CYP39A1: variants seen among roughly 807,000 people sequenced by gnomAD.
The protein encoded by CYP39A1 is 24-hydroxycholesterol 7-alpha-hydroxylase.
A neutral mutation model predicts 58.1 loss-of-function variants in CYP39A1; 49 were observed. The ratio of observed to expected loss-of-function variants is 0.84; its 90% CI spans 0.67 to 1.07. CYP39A1 has a LOEUF of 1.07. Among genes scored for constraint, CYP39A1 ranks in the 50% least tolerant of loss-of-function variants. The pLI, the probability that CYP39A1 is intolerant of heterozygous loss-of-function variation, is 0.00. For missense variants in CYP39A1, 531 were observed against 539.4 expected, an observed-to-expected ratio of 0.98 and a Z score of 0.16; for synonymous variants, 209 against 187.6, an observed-to-expected ratio of 1.11 and a Z score of -0.93.
rs145931033 is a variant in CYP39A1 at position 46,625,443 on chromosome 6, G to A, written c.906C>T (p.Gly302=). 1.9e-6 allele frequency: 3 copies of A among 1,610,628 alleles called. No homozygotes were observed. Among genetic ancestry groups the A allele is most frequent in the Non-Finnish European group, 2.5e-6 (3 of 1,178,140 alleles). Residue 302 remains glycine, a synonymous_variant, in exon 7 of 12, where the codon GGC becomes GGT. Transcript: ENST00000275016. Reference sequence around the variant, plus strand: ...CTGCTTTGCCAAACACAGAAGATATGCCTTCCATAATGGCCTTGTGGATAT... The same window carrying A: ...CTGCTTTGCCAAACACAGAAGATATACCTTCCATAATGGCCTTGTGGATAT... The part of the protein sequence containing the change: ...HPDIHKAIME[G]ISSVFGKAGK...
intron 10 of CYP39A1, among the ~76,000 whole-genome samples, chr6:46,572,079 T>A (rs1389950687): frequency 6.6e-6 from 1 of 152,154 alleles, no homozygotes; most frequent in Non-Finnish European, 1.5e-5. Flanking sequence ...ATGCATTATA[T>A]GTTTTTGATG....
At chr6:46,555,988 T>C (rs1232170534) in intron 10 of CYP39A1, among the ~76,000 whole-genome samples, 1 of 152,322 alleles carries the variant, frequency 6.6e-6, no homozygotes, top group Non-Finnish European at 1.5e-5. Context: ...TATTTACTGA[T>C]TTGGATCAAA....
At chr6:46,578,600 A>G (rs1771966715) in intron 10 of CYP39A1, among the ~76,000 whole-genome samples, 1 of 152,102 alleles carries the variant, frequency 6.6e-6, no homozygotes, top group Admixed American at 6.6e-5. Context: ...GAAATGACAA[A>G]GGGGATATTA....
At chr6:46,559,931 C>T (rs1333396405) in intron 10 of CYP39A1, among the ~76,000 whole-genome samples, 1 of 152,152 alleles carries the variant, frequency 6.6e-6, no homozygotes, top group Non-Finnish European at 1.5e-5. Flanking sequence ...GCACTGAAGT[C>T]ACCCCAGTAA....
chr6:46,650,670 A>T (rs1278671938), intron 1 of CYP39A1, among the ~76,000 whole-genome samples: 1 of 118,992 alleles, frequency 8.4e-6, no homozygotes, highest in Non-Finnish European at 2.0e-5. Flanking sequence ...GACCAGATTA[A>T]ATTTTTTATT....
rs1396046803 is a variant in CYP39A1 at position 46,637,877 on chromosome 6, T to C, written c.590A>G (p.Tyr197Cys). 6.2e-7 allele frequency: 1 copy of C among 1,612,408 alleles called. No homozygotes were observed. Among genetic ancestry groups the C allele is most frequent in the East Asian group, 2.2e-5 (1 of 44,838 alleles). ...GGACCCATACTCAAAATCTTCATCA[T>C]AAACTTGAAAATACTGATGGAACTC... ...IKEFHQYFQV[Y>C]DEDFEYGSQL... The change falls in exon 4 of 12, where the codon TAT becomes TGT. Residue 197 changes from tyrosine to cysteine, a missense_variant. Physicochemically the swap from Tyr to Cys is radical, Grantham distance 194. Coordinates refer to ENST00000275016, the MANE Select transcript of CYP39A1 (RefSeq NM_016593.5).
At chr6:46,564,147 TTTATTC>T (rs1771147396) in intron 10 of CYP39A1, among the ~76,000 whole-genome samples, 1 of 107,734 alleles carries the variant, frequency 9.3e-6, no homozygotes, top group African/African-American at 4.1e-5. Context: ...TCTATTCTAT[TTTATTC>T]TATTTTATTC....
chr6:46,630,171 C>T (rs1401494665), intron 6 of CYP39A1, among the ~76,000 whole-genome samples: 5 of 152,052 alleles, frequency 3.3e-5, no homozygotes, highest in African/African-American at 1.2e-4. Context: ...TCTTGCCTCT[C>T]TTTAGAAGTG....
At chr6:46,644,639 G>A (rs1282114484) in intron 1 of CYP39A1, among the ~76,000 whole-genome samples, 1 of 152,166 alleles carries the variant, frequency 6.6e-6, no homozygotes, top group Non-Finnish European at 1.5e-5. Flanking sequence ...TAAACATTAA[G>A]TTTCTCTGTG....
At chr6:46,639,360 A>G in intron 3 of CYP39A1, 134 bp downstream of exon 3, 1 of 821,192 alleles carries the variant, frequency 1.2e-6, no homozygotes, top group South Asian at 1.9e-5. Flanking sequence ...TAAAAGATTA[A>G]AATAATCTCT....
intron 10 of CYP39A1, chr6:46,586,167 G>A (rs999010336): frequency 7.4e-6 from 7 of 941,754 alleles, no homozygotes; most frequent in Non-Finnish European, 7.6e-6. Context: ...AACACATGAA[G>A]AACGGAAGGA....
chr6:46,650,185 T>C (rs1380358289), intron 1 of CYP39A1, among the ~76,000 whole-genome samples: 2 of 151,848 alleles, frequency 1.3e-5, no homozygotes, highest in African/African-American at 4.8e-5. Context: ...GTTTATTTCA[T>C]ACACAATGAG....
intron 7 of CYP39A1, among the ~76,000 whole-genome samples, chr6:46,604,651 T>C (rs915377398): frequency 2.0e-5 from 3 of 152,206 alleles, no homozygotes; most frequent in African/African-American, 7.2e-5. Flanking sequence ...CCTTTTCTGT[T>C]AGAAGATAAA....
At chr6:46,576,930 T>C (rs1771876703) in intron 10 of CYP39A1, among the ~76,000 whole-genome samples, 1 of 152,308 alleles carries the variant, frequency 6.6e-6, no homozygotes, top group Non-Finnish European at 1.5e-5. Context: ...TTTCAGGATA[T>C]TGTCCACAAA....
chr6:46,600,565 T>C (rs567962941), intron 7 of CYP39A1, among the ~76,000 whole-genome samples: 1 of 152,210 alleles, frequency 6.6e-6, no homozygotes, highest in South Asian at 2.1e-4. Flanking sequence ...GGAGGTGGGC[T>C]GGGGATTCAG....
intron 2 of CYP39A1, 105 bp downstream of exon 2, chr6:46,642,058 A>T (rs1776371803): frequency 8.4e-7 from 1 of 1,187,936 alleles, no homozygotes; most frequent in South Asian, 1.3e-5. Flanking sequence ...AAAATAATGG[A>T]CCCTCATCAT....
intron 7 of CYP39A1, among the ~76,000 whole-genome samples, chr6:46,617,547 A>C (rs1432242259): frequency 6.6e-6 from 1 of 152,106 alleles, no homozygotes; most frequent in African/African-American, 2.4e-5. Context: ...GCAACTTGGA[A>C]CAGAATAAAG....
intron 10 of CYP39A1, among the ~76,000 whole-genome samples, chr6:46,571,907 C>T (rs1246649098): frequency 1.3e-5 from 2 of 151,858 alleles, no homozygotes; most frequent in African/African-American, 4.8e-5. Flanking sequence ...TAGCTTTTAG[C>T]TTTGTGGTCA....
chr6:46,551,520 C>G (rs1057294290), intron 11 of CYP39A1, among the ~76,000 whole-genome samples: 3 of 152,186 alleles, frequency 2.0e-5, no homozygotes, highest in Non-Finnish European at 4.4e-5. Flanking sequence ...TGCTGCCTGA[C>G]CACAGATCCT....
Sources: gnomAD v4.1 joint callset for allele counts (sites outside exome capture counted in the v4.1 genomes callset) on GRCh38, gnomAD v4.1.1 for gene constraint, MANE v1.5 for transcripts, NCBI Gene and HGNC (gene_info 2026-07-23, HGNC 2026-07-21) for gene names.